The following FYCO1 variants were observed in gnomAD, a reference collection of about 807,000 sequenced individuals.
The protein encoded by FYCO1 is FYVE and coiled-coil domain-containing protein 1.
In FYCO1, 122 loss-of-function variants were observed where a neutral mutation model predicts 165.1. That is an observed-to-expected ratio of 0.74 (90% CI 0.64 to 0.86). The LOEUF is 0.86. Among genes scored for constraint, FYCO1 ranks in the 40% least tolerant of loss-of-function variants. FYCO1 has a pLI of 0.00. For synonymous variants in FYCO1, 648 were observed against 742.5 expected (o/e 0.87, Z 2.07); for missense variants, 1,702 against 1,810.3 (o/e 0.94, Z 1.09).
At chr3:45,924,158 C>T (rs547358268) in intron 16 of FYCO1, among the ~76,000 whole-genome samples, 16 of 152,266 alleles carry the variant, frequency 1.1e-4, no homozygotes, top group Non-Finnish European at 1.8e-4. Context: ...CCTTGGGTCT[C>T]GCAGGACAGG....
At chr3:45,982,718 C>T (rs1398116699) in intron 2 of FYCO1, among the ~76,000 whole-genome samples, 1 of 152,230 alleles carries the variant, frequency 6.6e-6, no homozygotes, top group Admixed American at 6.5e-5. Context: ...TGGTTTGAAG[C>T]AGACCTGTCC....
Position 45,919,226 on chromosome 3 carries a change from A to G in FYCO1, c.*2539T>C, listed in dbSNP as rs764302582. The G allele has an allele frequency of 6.6e-6, 1 of 152,204 alleles. No homozygotes were observed. Among genetic ancestry groups the G allele is most frequent in the Non-Finnish European group, 1.5e-5 (1 of 68,038 alleles). 9.4% of individuals were successfully genotyped at this position (152,204 alleles called of 1,614,324 possible). On this transcript the variant is annotated 3_prime_UTR_variant, in exon 18 of 18. Coordinates refer to ENST00000296137, the MANE Select transcript of FYCO1 (RefSeq NM_024513.4). ...AGTACCCCAGTCCTTAATTCTCAGT[A>G]AAGTTGGGAATCTGATTAATATCAG...
intron 16 of FYCO1, among the ~76,000 whole-genome samples, chr3:45,924,665 T>C (rs1336488079): frequency 1.3e-5 from 2 of 151,884 alleles, no homozygotes; most frequent in Non-Finnish European, 2.9e-5. Flanking sequence ...CAGGCTGGAG[T>C]GCAGTGGCAT....
At chr3:45,936,377 C>T (rs1186350981) in intron 15 of FYCO1, 71 bp downstream of exon 15, 32 of 1,025,616 alleles carry the variant, frequency 3.1e-5, no homozygotes, top group Middle Eastern at 2.3e-4. Flanking sequence ...TCCCCAGCGC[C>T]GGCACTGGAG....
At chr3:45,926,516 G>A (rs553211034) in intron 16 of FYCO1, among the ~76,000 whole-genome samples, 31 of 152,326 alleles carry the variant, frequency 2.0e-4, no homozygotes, top group South Asian at 4.1e-4. Context: ...ACAAAAAGTG[G>A]TAGAATTGCA....
chr3:45,950,763 T>C (rs1704962630), intron 14 of FYCO1, among the ~76,000 whole-genome samples: 1 of 152,192 alleles, frequency 6.6e-6, no homozygotes, highest in Non-Finnish European at 1.5e-5. Context: ...CAGCCTTTCT[T>C]TGCCCAGAAA....
chr3:45,924,483 G>A (rs1338939511), intron 16 of FYCO1, among the ~76,000 whole-genome samples: 2 of 152,206 alleles, frequency 1.3e-5, no homozygotes, highest in African/African-American at 2.4e-5. Context: ...AGGGCTCAGA[G>A]GGAGGTCTTT....
intron 16 of FYCO1, 57 bp downstream of exon 16, chr3:45,931,014 T>C: frequency 1.3e-6 from 2 of 1,538,590 alleles, no homozygotes; most frequent in South Asian, 2.3e-5. Flanking sequence ...GAGAAAGGCC[T>C]GCCCAAGTAC....
chr3:45,987,893 T>A (rs1440642025), intron 1 of FYCO1, among the ~76,000 whole-genome samples: 2 of 152,194 alleles, frequency 1.3e-5, no homozygotes, highest in African/African-American at 4.8e-5. Context: ...CCAAACAGCA[T>A]CATAAGCCTG....
Position 45,958,428 on chromosome 3 carries a change from G to A in FYCO1, c.3779C>T (p.Pro1260Leu). The A allele has an allele frequency of 6.2e-7, 1 of 1,612,564 alleles. No individual in the cohort carries two copies. The highest frequency in any genetic ancestry group is 2.2e-5 in the East Asian group (1 of 44,882). The change falls in exon 13 of 18, where the codon CCC becomes CTC. Residue 1260 changes from proline (P) to leucine (L), a missense_variant. Coordinates refer to ENST00000296137, the MANE Select transcript of FYCO1 (RefSeq NM_024513.4). ...SPALSPASPGPQATGGQGANT... is the reference protein window; with the variant it reads ...SPALSPASPGLQATGGQGANT... ...CTGACCTTGGCCTCCTGTGGCCTGG[G>A]GCCCAGGTGAGGCTGGTGACAGTGC... is the stretch of plus-strand genomic sequence containing the variant.
At chr3:45,942,913 T>G (rs1442213139) in intron 14 of FYCO1, among the ~76,000 whole-genome samples, 1 of 152,190 alleles carries the variant, frequency 6.6e-6, no homozygotes, top group African/African-American at 2.4e-5. Flanking sequence ...TGTTGATTGG[T>G]CTGGTAATGA....
At chr3:45,992,705 G>T (rs115008977) in intron 1 of FYCO1, among the ~76,000 whole-genome samples, 871 of 152,240 alleles carry the variant, frequency 5.7e-3, no homozygotes, top group African/African-American at 0.02. Context: ...GGTGGGAAAG[G>T]GGGGGTAACA....
At chr3:45,986,210 T>C (rs1430055872) in intron 1 of FYCO1, among the ~76,000 whole-genome samples, 2 of 152,116 alleles carry the variant, frequency 1.3e-5, no homozygotes. Flanking sequence ...TTCCAATAAG[T>C]CCTACTGACT....
chr3:45,961,470 T>C (rs1601867), intron 11 of FYCO1, among the ~76,000 whole-genome samples: 73,692 of 151,526 alleles, frequency 0.49, 19,008 homozygotes, highest in South Asian at 0.72. Context: ...CCCAGCTACT[T>C]GGGTGGCTGA....
At chr3:45,954,676 A>T (rs968695480) in intron 14 of FYCO1, among the ~76,000 whole-genome samples, 1 of 152,174 alleles carries the variant, frequency 6.6e-6, no homozygotes, top group Admixed American at 6.5e-5. Context: ...TTTGGAGATG[A>T]GGCCTGTAGA....
At chr3:45,954,794 A>G (rs1705219750) in intron 14 of FYCO1, among the ~76,000 whole-genome samples, 1 of 152,184 alleles carries the variant, frequency 6.6e-6, no homozygotes, top group South Asian at 2.1e-4. Context: ...GGGGCATGCA[A>G]CAGGGGACAG....
At chr3:45,929,397 C>T (rs1447122856) in intron 16 of FYCO1, among the ~76,000 whole-genome samples, 3 of 152,226 alleles carry the variant, frequency 2.0e-5, no homozygotes, top group Non-Finnish European at 2.9e-5. Flanking sequence ...AGGCCCACAG[C>T]CCAGCCACAT....
Position 45,920,532 on chromosome 3 carries a change from T to G in FYCO1, c.*1233A>C, listed in dbSNP as rs1226115909. 1 of 151,950 alleles carries G rather than the reference T, an allele frequency of 6.6e-6. No individual in the cohort carries two copies. Among genetic ancestry groups the G allele is most frequent in the Non-Finnish European group, 1.5e-5 (1 of 67,968 alleles). 9.4% of individuals were successfully genotyped at this position (151,950 alleles called of 1,614,324 possible). On this transcript the variant is annotated 3_prime_UTR_variant, in exon 18 of 18. Transcript: ENST00000296137. ...CTGTCCAAGGTGAGCTATCTGTTGTTGGGGAAGAAAAGGACCACAGAGAAC... is the reference window on the plus strand; with the variant it reads ...CTGTCCAAGGTGAGCTATCTGTTGTGGGGGAAGAAAAGGACCACAGAGAAC...
At chr3:45,984,194 C>T (rs1243155599) in intron 2 of FYCO1, among the ~76,000 whole-genome samples, 1 of 152,338 alleles carries the variant, frequency 6.6e-6, no homozygotes, top group Admixed American at 6.5e-5. Flanking sequence ...ACCCCTGGGA[C>T]AGCATCTGAA....
Sources: allele counts gnomAD v4.1 joint callset (sites outside exome capture counted in the v4.1 genomes callset), GRCh38; gene constraint gnomAD v4.1.1; transcripts MANE v1.5; gene names NCBI Gene and HGNC (gene_info 2026-07-23, HGNC 2026-07-21).